PRKD1: variants seen among roughly 807,000 people sequenced by gnomAD.
PRKD1 encodes protein kinase D1, also known as serine/threonine-protein kinase D1.
Under a neutral mutation model 95.9 loss-of-function variants are expected in PRKD1, and 63 were observed. That is an observed-to-expected ratio of 0.66 (90% CI 0.54 to 0.81). PRKD1 has a LOEUF of 0.81. Among genes scored for constraint, PRKD1 ranks in the 30% least tolerant of loss-of-function variants. The pLI, the probability that PRKD1 is intolerant of heterozygous loss-of-function variation, is 0.00. For missense variants in PRKD1, 1,048 were observed against 1,165.3 expected, an observed-to-expected ratio of 0.90 and a Z score of 1.47; for synonymous variants, 425 against 423.1, an observed-to-expected ratio of 1.00 and a Z score of -0.05.
At chr14:29,706,620 GATA>G (rs534837042) in intron 2 of PRKD1, among the ~76,000 whole-genome samples, 390 of 152,204 alleles carry the variant, frequency 2.6e-3, no homozygotes, top group African/African-American at 5.4e-3. Flanking sequence ...AGGCACCAGG[GATA>G]ATAATAACAA....
Position 29,597,540 on chromosome 14 carries a change from A to C in PRKD1, c.2385T>G (p.Asn795Lys), listed in dbSNP as rs1893353390. The C allele has an allele frequency of 6.2e-7, 1 of 1,613,380 alleles. No homozygotes were observed. Among genetic ancestry groups the C allele is most frequent in the African/African-American group, 1.3e-5 (1 of 74,936 alleles). The change falls in exon 16 of 18, where the codon AAT (asparagine) becomes AAG (lysine). Residue 795 changes from asparagine to lysine, a missense_variant. Coordinates refer to ENST00000331968, the MANE Select transcript of PRKD1 (RefSeq NM_002742.3). Reference protein sequence around the residue: ...EDEDIHDQIQNAAFMYPPNPW... With the variant: ...EDEDIHDQIQKAAFMYPPNPW... ...GATTTGGTGGATACATGAAAGCTGC[A>C]TTCTGAATTTGGTCGTGTATGTCTT...
chr14:29,597,738 A>C lies in PRKD1; in HGVS notation c.2187T>G (p.Gly729=). Residue 729 remains glycine, a synonymous_variant, in exon 16 of 18, where the codon GGT becomes GGG. Transcript: ENST00000331968. ...PFPQVKLCDF[G]FARIIGEKSF... ...ACTTCTCTCCAATGATCCGGGCAAA[A>C]CCAAAATCACAAAGTTTCACCTGTT... 1 of 1,611,412 alleles carries C rather than the reference A, an allele frequency of 6.2e-7. No individual in the cohort carries two copies. Among genetic ancestry groups the C allele is most frequent in the Non-Finnish European group, 8.5e-7 (1 of 1,178,782 alleles).
chr14:29,638,510 C>T lies in PRKD1; in HGVS notation c.964G>A (p.Gly322Ser). Residue 322 changes from glycine (G) to serine (S), a missense_variant, in exon 6 of 18, where the codon GGC becomes AGC. Gly to Ser is a moderately conservative substitution (Grantham distance 56). Transcript: ENST00000331968. Reference protein sequence around the residue: ...CAPKVPNNCLGEVTINGDLLS... With the variant: ...CAPKVPNNCLSEVTINGDLLS... ...CTACCTCCATTAATGGTCACTTCGC[C>T]AAGGCAGTTGTTTGGTACTTTCGGT... The T allele has an allele frequency of 6.2e-7, 1 of 1,614,162 alleles. No homozygotes were observed. The highest frequency in any genetic ancestry group is 8.5e-7 in the Non-Finnish European group (1 of 1,180,010).
intron 13 of PRKD1, among the ~76,000 whole-genome samples, chr14:29,616,243 CAAA>C (rs72142312): frequency 8.8e-5 from 3 of 33,956 alleles, no homozygotes; most frequent in Admixed American, 5.4e-4. Flanking sequence ...AGAGTATGGC[CAAA>C]AAAAAAAAAA....
intron 1 of PRKD1, among the ~76,000 whole-genome samples, chr14:29,873,653 G>A (rs1893188488): frequency 6.6e-6 from 1 of 152,156 alleles, no homozygotes; most frequent in African/African-American, 2.4e-5. Context: ...GTCTAAATAT[G>A]TAAGATGCAT....
intron 1 of PRKD1, among the ~76,000 whole-genome samples, chr14:29,886,931 G>A (rs1348072141): frequency 1.3e-5 from 2 of 152,168 alleles, no homozygotes; most frequent in African/African-American, 4.8e-5. Context: ...TTTGATGGTA[G>A]GTGCTGTCAT....
chr14:29,679,281 A>G (rs1450098227), intron 2 of PRKD1, among the ~76,000 whole-genome samples: 1 of 152,214 alleles, frequency 6.6e-6, no homozygotes, highest in Non-Finnish European at 1.5e-5. Flanking sequence ...TTCTGAGCAA[A>G]AATGTTCCAA....
At chr14:29,793,197 T>G (rs1274931994) in intron 1 of PRKD1, among the ~76,000 whole-genome samples, 2 of 151,980 alleles carry the variant, frequency 1.3e-5, no homozygotes. Flanking sequence ...TGGTAGGTGT[T>G]TCTAAAGAAT....
intron 10 of PRKD1, chr14:29,630,498 T>C (rs766237040): frequency 9.8e-6 from 5 of 512,346 alleles, no homozygotes; most frequent in Non-Finnish European, 1.7e-5. Flanking sequence ...TAATACATAG[T>C]GTTTACCTGA....
At chr14:29,835,886 A>T (rs146334396) in intron 1 of PRKD1, among the ~76,000 whole-genome samples, 56 of 152,316 alleles carry the variant, frequency 3.7e-4, no homozygotes, top group Middle Eastern at 3.4e-3. Context: ...AATACTTTTA[A>T]ATCTAGGTTT....
chr14:29,612,980 C>T (rs936249808), intron 13 of PRKD1, among the ~76,000 whole-genome samples: 3 of 152,088 alleles, frequency 2.0e-5, no homozygotes, highest in Non-Finnish European at 2.9e-5. Context: ...TGCCTGTAGT[C>T]CCAGCTACTC....
At chr14:29,720,281 G>T (rs1385026885) in intron 2 of PRKD1, among the ~76,000 whole-genome samples, 1 of 152,120 alleles carries the variant, frequency 6.6e-6, no homozygotes, top group African/African-American at 2.4e-5. Context: ...GGCACAGAAT[G>T]ATTACAAGTC....
At chr14:29,578,997 C>A (rs1476409983) in intron 16 of PRKD1, among the ~76,000 whole-genome samples, 3 of 152,014 alleles carry the variant, frequency 2.0e-5, no homozygotes, top group Non-Finnish European at 4.4e-5. Context: ...CATAGACTTT[C>A]TAGAGGAAGA....
intron 1 of PRKD1, among the ~76,000 whole-genome samples, chr14:29,877,565 T>A (rs1893345097): frequency 6.6e-6 from 1 of 152,250 alleles, no homozygotes; most frequent in South Asian, 2.1e-4. Context: ...TTTTTGCCAG[T>A]TTCTATGTCC....
chr14:29,669,835 T>C (rs1882738092), intron 2 of PRKD1, among the ~76,000 whole-genome samples: 1 of 152,122 alleles, frequency 6.6e-6, no homozygotes, highest in East Asian at 1.9e-4. Context: ...ACCATTGCAC[T>C]CCAGCCTGGA....
intron 16 of PRKD1, among the ~76,000 whole-genome samples, chr14:29,589,710 C>T (rs1893059450): frequency 1.3e-5 from 2 of 152,050 alleles, no homozygotes; most frequent in African/African-American, 4.8e-5. Flanking sequence ...ACTCTATTTA[C>T]TCCATTTATC....
intron 1 of PRKD1, among the ~76,000 whole-genome samples, chr14:29,807,454 T>G (rs922114214): frequency 4.0e-5 from 6 of 151,762 alleles, no homozygotes; most frequent in African/African-American, 1.5e-4. Flanking sequence ...TGGAGTGCAG[T>G]GGCAATTTCT....
At chr14:29,731,853 T>A (rs936577594) in intron 1 of PRKD1, among the ~76,000 whole-genome samples, 2 of 151,692 alleles carry the variant, frequency 1.3e-5, no homozygotes, top group African/African-American at 4.8e-5. Context: ...TTTTGTGCAG[T>A]CTGACAATCT....
chr14:29,763,049 T>C (rs2139493534), intron 1 of PRKD1, among the ~76,000 whole-genome samples: 1 of 140,126 alleles, frequency 7.1e-6, no homozygotes, highest in East Asian at 2.1e-4. Context: ...CAGCCTATGC[T>C]AAGGTGTTTA....
Sources: gnomAD v4.1 joint callset for allele counts (sites outside exome capture counted in the v4.1 genomes callset) on GRCh38, gnomAD v4.1.1 for gene constraint, MANE v1.5 for transcripts, NCBI Gene and HGNC (gene_info 2026-07-23, HGNC 2026-07-21) for gene names.